CYP19A1: variants seen among roughly 807,000 people sequenced by gnomAD.
CYP19A1 encodes the protein cytochrome P450 family 19 subfamily A member 1.
CYP19A1 carries 32 observed loss-of-function variants against 44.4 expected under a neutral mutation model. That is an observed-to-expected ratio of 0.72 (90% CI 0.54 to 0.97). The LOEUF is 0.97. Ranked by LOEUF, CYP19A1 falls within the 50% of genes least tolerant of loss-of-function variation. The probability of loss-of-function intolerance (pLI) is 0.00; values close to 1 mark genes in which losing one functional copy is unlikely to be tolerated. For missense variants in CYP19A1, 598 were observed against 637.8 expected, an observed-to-expected ratio of 0.94 and a Z score of 0.67; for synonymous variants, 212 against 215.6, an observed-to-expected ratio of 0.98 and a Z score of 0.14.
chr15:51,257,568 G>A (rs1263633812), intron 1 of CYP19A1, among the ~76,000 whole-genome samples: 1 of 152,208 alleles, frequency 6.6e-6, no homozygotes, highest in Non-Finnish European at 1.5e-5. Flanking sequence ...CAGCCAAGAG[G>A]AGCTTTGCCT....
At chr15:51,310,027 C>T (rs1000104469) in intron 1 of CYP19A1, among the ~76,000 whole-genome samples, 14 of 152,182 alleles carry the variant, frequency 9.2e-5, no homozygotes, top group Non-Finnish European at 1.3e-4. Flanking sequence ...GACCTGCCAC[C>T]ACCAGGCCAG....
chr15:51,297,569 T>TC (rs1355814439), intron 1 of CYP19A1, among the ~76,000 whole-genome samples: 2 of 152,048 alleles, frequency 1.3e-5, no homozygotes, highest in African/African-American at 4.8e-5. Flanking sequence ...AGACCCAGGC[T>TC]CCCATAAGCT....
At position 51,290,498 on chromosome 15, in the gene CYP19A1, A is replaced by G. The variant is rs28685202; in HGVS notation, c.-38-47548T>C. On this transcript the variant is annotated intron_variant, in intron 1 of 9. Coordinates refer to ENST00000396402, the MANE Select transcript of CYP19A1 (RefSeq NM_000103.4). Reference sequence around the variant, plus strand: ...TGTTCAATGCCTAAGATGGAGATTGACAACCAAACCTCACCTGTTTTCTGC... The same window carrying G: ...TGTTCAATGCCTAAGATGGAGATTGGCAACCAAACCTCACCTGTTTTCTGC... 8.2e-3 allele frequency among the ~76,000 whole-genome samples: 1,253 copies of G among 152,330 alleles called. 16 individuals carry two copies. Among genetic ancestry groups the G allele is most frequent in the African/African-American group, 0.029 (1,192 of 41,564 alleles).
intron 1 of CYP19A1, among the ~76,000 whole-genome samples, chr15:51,314,700 T>TCTAA (rs993658692): frequency 2.6e-5 from 4 of 152,202 alleles, no homozygotes; most frequent in African/African-American, 9.7e-5. Flanking sequence ...CAGCTCCAAT[T>TCTAA]CTAACTCTTC....
chr15:51,319,953 AC>A (rs1310400920), intron 1 of CYP19A1, among the ~76,000 whole-genome samples: 1 of 152,210 alleles, frequency 6.6e-6, no homozygotes, highest in African/African-American at 2.4e-5. Flanking sequence ...GGATGTGAAC[AC>A]CTTCTGAGGG....
rs79316963 is a variant in CYP19A1 at position 51,316,898 on chromosome 15, C to T, written c.-39+21597G>A. ...GAAGCCTCCCTTAAGGAAGAGAATGCATGCTTTGCCCTTTTCATCCTTTGC... is the reference window on the plus strand; with the variant it reads ...GAAGCCTCCCTTAAGGAAGAGAATGTATGCTTTGCCCTTTTCATCCTTTGC... On this transcript the variant is annotated intron_variant, in intron 1 of 9. Coordinates refer to ENST00000396402, the MANE Select transcript of CYP19A1 (RefSeq NM_000103.4). Among the ~76,000 whole-genome samples the T allele has an allele frequency of 0.016, 2,427 of 152,200 alleles. 189 individuals carry two copies. In the East Asian group the frequency reaches 0.25, roughly 16 times the overall value.
intron 1 of CYP19A1, among the ~76,000 whole-genome samples, chr15:51,335,926 C>T (rs542465964): frequency 1.3e-5 from 2 of 152,314 alleles, no homozygotes; most frequent in East Asian, 3.9e-4. Flanking sequence ...ACCGCATTGG[C>T]TTCTTACGGT....
At chr15:51,270,184 G>GTTT (rs3078032) in intron 1 of CYP19A1, among the ~76,000 whole-genome samples, 155 of 149,130 alleles carry the variant, frequency 1.0e-3, no homozygotes, top group East Asian at 7.2e-3. Flanking sequence ...GTATTCTTTG[G>GTTT]TTTTTTTTTT....
intron 5 of CYP19A1, among the ~76,000 whole-genome samples, chr15:51,220,228 A>G (rs561161435): frequency 2.0e-5 from 3 of 152,156 alleles, no homozygotes; most frequent in South Asian, 4.2e-4. Context: ...GCCTTTTCTA[A>G]CCACCCTCTC....
In CYP19A1 at chr15:51,297,816, T is replaced by TCACA. The variant is rs1566917194; in HGVS notation, c.-39+40678_-39+40679insTGTG. Among the ~76,000 whole-genome samples, 70 of 51,622 alleles carry TCACA rather than the reference T, an allele frequency of 1.4e-3. 1 individual carries two copies. Among genetic ancestry groups the TCACA allele is most frequent in the African/African-American group, 6.8e-3 (61 of 8,996 alleles). The allele number at this position is 51,622 out of a possible 152,430, so 33.9% of individuals were successfully genotyped here. On this transcript the variant is annotated intron_variant, in intron 1 of 9. Transcript: ENST00000396402. ...TTTCTGGAGAGATTCACTGTAGGCATGACACACACACACACACACACACAC... is the reference window on the plus strand; with the variant it reads ...TTTCTGGAGAGATTCACTGTAGGCATCACAGACACACACACACACACACACACAC...
At chr15:51,335,157 G>T (rs2036756979) in intron 1 of CYP19A1, among the ~76,000 whole-genome samples, 1 of 151,974 alleles carries the variant, frequency 6.6e-6, no homozygotes, top group African/African-American at 2.4e-5. Context: ...ACACTAGAAA[G>T]GTGGAGTGGG....
rs2030768379 is a variant in CYP19A1, at chr15:51,209,945, A to G, written c.*863T>C. The G allele has an allele frequency of 5.2e-6, 1 of 191,030 alleles. No individual in the cohort carries two copies. Among genetic ancestry groups the G allele is most frequent in the Non-Finnish European group, 1.1e-5 (1 of 93,106 alleles). The allele number at this position is 191,030 out of a possible 1,614,324, so 11.8% of individuals were successfully genotyped here. On this transcript the variant is annotated 3_prime_UTR_variant, in exon 10 of 10. Coordinates refer to ENST00000396402, the MANE Select transcript of CYP19A1 (RefSeq NM_000103.4). ...AGTTATCTCTTGGTTAGCCACACTA[A>G]TTGAGCTAAGCAAAAATGGGAACAT...
chr15:51,302,543 T>A (rs990728194), intron 1 of CYP19A1, among the ~76,000 whole-genome samples: 1 of 152,218 alleles, frequency 6.6e-6, no homozygotes, highest in African/African-American at 2.4e-5. Flanking sequence ...CAAAGCGTGA[T>A]CCTTGGTGTC....
At chr15:51,220,055 C>T (rs1227523221) in intron 5 of CYP19A1, among the ~76,000 whole-genome samples, 3 of 152,146 alleles carry the variant, frequency 2.0e-5, no homozygotes, top group Non-Finnish European at 4.4e-5. Context: ...TGTCTATGTG[C>T]CCAAGTGTAG....
intron 1 of CYP19A1, among the ~76,000 whole-genome samples, chr15:51,319,981 G>C (rs1566925199): frequency 6.6e-6 from 1 of 152,244 alleles, no homozygotes; most frequent in Non-Finnish European, 1.5e-5. Context: ...AGCGACACTT[G>C]AATGCCAGCC....
At chr15:51,222,704 T>C (rs1415978813) in intron 4 of CYP19A1, among the ~76,000 whole-genome samples, 179 bp from the exon 5 acceptor site, 1 of 152,234 alleles carries the variant, frequency 6.6e-6, no homozygotes, top group Non-Finnish European at 1.5e-5. Context: ...TACATAAGCA[T>C]GTACTATCCT....
chr15:51,335,731 A>C (rs1292221396), intron 1 of CYP19A1, among the ~76,000 whole-genome samples: 1 of 152,122 alleles, frequency 6.6e-6, no homozygotes, highest in Non-Finnish European at 1.5e-5. Flanking sequence ...TAAAATGAAA[A>C]TCTGTCATCC....
intron 6 of CYP19A1, among the ~76,000 whole-genome samples, chr15:51,217,477 G>A (rs2031684287): frequency 6.6e-6 from 1 of 152,158 alleles, no homozygotes; most frequent in South Asian, 2.1e-4. Flanking sequence ...AAAGAACCAA[G>A]TGTCTAAAAC....
chr15:51,282,586 C>T (rs1037026148), intron 1 of CYP19A1, among the ~76,000 whole-genome samples: 3 of 152,228 alleles, frequency 2.0e-5, no homozygotes, highest in African/African-American at 4.8e-5. Flanking sequence ...CTTGCGTTGG[C>T]CACCTGGACC....
Sources: gnomAD v4.1 joint callset for allele counts (sites outside exome capture counted in the v4.1 genomes callset) on GRCh38, gnomAD v4.1.1 for gene constraint, MANE v1.5 for transcripts, NCBI Gene and HGNC (gene_info 2026-07-23, HGNC 2026-07-21) for gene names.